Variants in AGMO observed in about 807,000 individuals in gnomAD.
AGMO encodes the protein alkylglycerol monooxygenase, also known as glyceryl-ether monooxygenase.
A neutral mutation model predicts 60.2 loss-of-function variants in AGMO; 75 were observed. The observed-to-expected ratio is 1.25, with a 90% CI of 1.03 to 1.51. The LOEUF is 1.51. AGMO is among the 40% of genes most tolerant of loss of function. The probability of loss-of-function intolerance (pLI) is 0.00; values close to 1 mark genes in which losing one functional copy is unlikely to be tolerated. For synonymous variants in AGMO, 261 were observed against 177.1 expected (o/e 1.47, Z -3.76); for missense variants, 763 against 525.5 (o/e 1.45, Z -4.42).
chr7:15,410,346 A>G (rs936483661), intron 5 of AGMO, among the ~76,000 whole-genome samples: 11 of 151,842 alleles, frequency 7.2e-5, no homozygotes, highest in African/African-American at 2.7e-4. Context: ...AACTTGTCAT[A>G]TGTAATAATC....
intron 3 of AGMO, among the ~76,000 whole-genome samples, chr7:15,440,424 C>G (rs1016010591): frequency 6.6e-6 from 1 of 151,980 alleles, no homozygotes; most frequent in African/African-American, 2.4e-5. Flanking sequence ...TTCATTTTCT[C>G]AAGAAATTAA....
At chr7:15,276,692 C>T (rs1367114195) in intron 12 of AGMO, among the ~76,000 whole-genome samples, 2 of 151,996 alleles carry the variant, frequency 1.3e-5, no homozygotes, top group African/African-American at 2.4e-5. Context: ...GTTTTAGTGA[C>T]TTTATATAAT....
At chr7:15,296,226 TAGCTA>T (rs1784400745) in intron 12 of AGMO, among the ~76,000 whole-genome samples, 1 of 152,164 alleles carries the variant, frequency 6.6e-6, no homozygotes, top group Admixed American at 6.6e-5. Context: ...AGTAACTCTT[TAGCTA>T]ATGTCAGAGA....
intron 3 of AGMO, among the ~76,000 whole-genome samples, chr7:15,516,423 T>G (rs1227186765): frequency 2.0e-5 from 3 of 152,226 alleles, no homozygotes; most frequent in Non-Finnish European, 4.4e-5. Flanking sequence ...CTCAATTTTA[T>G]TTAATTCAGT....
intron 2 of AGMO, among the ~76,000 whole-genome samples, chr7:15,555,004 G>C (rs1040567427): frequency 1.3e-5 from 2 of 151,642 alleles, no homozygotes; most frequent in African/African-American, 4.8e-5. Flanking sequence ...TAATACTGTC[G>C]TTGAAAACTC....
chr7:15,160,991 GA>G, the AGMO span, among the ~76,000 whole-genome samples: 1 of 152,132 alleles, frequency 6.6e-6, no homozygotes, highest in East Asian at 1.9e-4. Flanking sequence ...GCAAAAGAGT[GA>G]AAGAGAGATA....
In AGMO at chr7:15,365,380, T is replaced by TAAAAAA. The variant is rs60202363; in HGVS notation, c.1263+128_1263+133dup. 23 of 223,998 alleles carry TAAAAAA rather than the reference T, an allele frequency of 1.0e-4. 2 individuals carry two copies. The highest frequency in any genetic ancestry group is 5.8e-4 in the African/African-American group (10 of 17,274). The allele number at this position is 223,998 out of a possible 1,614,324, so 13.9% of individuals were successfully genotyped here. The stretch of plus-strand genomic sequence containing the variant: ...GACACAACTAACAAGTACTGGTAAG[T>TAAAAAA]AAAAAAAAAAAAAAAGATCAAGATT... On this transcript the variant is annotated intron_variant, in intron 12 of 12. Coordinates refer to ENST00000342526, the MANE Select transcript of AGMO (RefSeq NM_001004320.2).
intron 3 of AGMO, among the ~76,000 whole-genome samples, chr7:15,432,369 C>CACATATATATATATATATATATATATAT (rs141888494): frequency 2.0e-5 from 1 of 50,698 alleles, no homozygotes; most frequent in South Asian, 7.6e-4. Context: ...TATACACACA[C>CACATATATATATATATATATATATATAT]ATATATATAT....
chr7:15,289,405 A>G (rs982191113), intron 12 of AGMO, among the ~76,000 whole-genome samples: 3 of 152,108 alleles, frequency 2.0e-5, no homozygotes, highest in African/African-American at 7.2e-5. Flanking sequence ...TTTAAAAACA[A>G]TATTTAATCA....
intron 12 of AGMO, among the ~76,000 whole-genome samples, chr7:15,258,676 TC>T (rs927903648): frequency 2.6e-5 from 4 of 152,100 alleles, no homozygotes; most frequent in Non-Finnish European, 4.4e-5. Context: ...TCCCCTCCAC[TC>T]CCTTGCTACC....
the AGMO span, among the ~76,000 whole-genome samples, chr7:15,157,654 G>A: frequency 6.6e-6 from 1 of 152,084 alleles, no homozygotes; most frequent in Admixed American, 6.6e-5. Context: ...ACCTCCAAAG[G>A]GGGACAAGCC....
intron 10 of AGMO, among the ~76,000 whole-genome samples, chr7:15,382,485 A>G (rs972388242): frequency 6.6e-6 from 1 of 152,140 alleles, no homozygotes; most frequent in Non-Finnish European, 1.5e-5. Flanking sequence ...TGAGGCATGA[A>G]AGGAAGTTCG....
chr7:15,337,663 C>T (rs756712711), intron 12 of AGMO, among the ~76,000 whole-genome samples: 38 of 152,160 alleles, frequency 2.5e-4, no homozygotes, highest in Non-Finnish European at 4.4e-4. Flanking sequence ...CTCAACAATC[C>T]TAATGCTTGA....
chr7:15,547,754 T>G (rs1006700988), intron 2 of AGMO, among the ~76,000 whole-genome samples: 5 of 151,988 alleles, frequency 3.3e-5, no homozygotes, highest in African/African-American at 1.2e-4. Context: ...CGCCCGCCAT[T>G]GCCCGGGCTT....
the AGMO span, among the ~76,000 whole-genome samples, chr7:15,167,882 T>C: frequency 1.2e-4 from 19 of 152,204 alleles, no homozygotes; most frequent in African/African-American, 4.1e-4. Context: ...TTAATAAATA[T>C]GGGATATAGA....
At chr7:15,468,927 C>T (rs755999639) in intron 3 of AGMO, among the ~76,000 whole-genome samples, 6 of 151,926 alleles carry the variant, frequency 3.9e-5, no homozygotes, top group Non-Finnish European at 7.4e-5. Context: ...ACTTTTATAT[C>T]AATAAAAATA....
chr7:15,400,819 A>G (rs978990560), intron 5 of AGMO, among the ~76,000 whole-genome samples: 3 of 152,226 alleles, frequency 2.0e-5, no homozygotes, highest in South Asian at 2.1e-4. Context: ...GCAAGTGAAT[A>G]CCATAAATTA....
chr7:15,462,951 T>G (rs1782184179), intron 3 of AGMO, among the ~76,000 whole-genome samples: 1 of 152,164 alleles, frequency 6.6e-6, no homozygotes, highest in Non-Finnish European at 1.5e-5. Flanking sequence ...TCAGGTTGTT[T>G]GGATTCCCCA....
Position 15,534,077 on chromosome 7 carries a change from G to A in AGMO, c.409+10695C>T, listed in dbSNP as rs546427643. Among the ~76,000 whole-genome samples the A allele has an allele frequency of 5.3e-5, 8 of 151,890 alleles. No individual in the cohort carries two copies. In the East Asian group the frequency reaches 1.4e-3, roughly 26 times the overall value. ...GCTATTTTAAGAAGTATGAGGCCTC[G>A]ATTGTAAAAAAAAGAACAAAATCAA... On this transcript the variant is annotated intron_variant, in intron 3 of 12. Transcript: ENST00000342526.
Sources: allele counts gnomAD v4.1 joint callset (sites outside exome capture counted in the v4.1 genomes callset), GRCh38; gene constraint gnomAD v4.1.1; transcripts MANE v1.5; gene names NCBI Gene and HGNC (gene_info 2026-07-23, HGNC 2026-07-21).